Variants in ADAM32 observed in about 807,000 individuals in gnomAD.
ADAM32 encodes the protein ADAM metallopeptidase domain 32.
Under a neutral mutation model 114.9 loss-of-function variants are expected in ADAM32, and 89 were observed. The ratio of observed to expected loss-of-function variants is 0.77; its 90% CI spans 0.65 to 0.92. The LOEUF (loss-of-function observed/expected upper bound fraction) is 0.92, where lower values mean the gene tolerates loss of function less well. Among genes scored for constraint, ADAM32 ranks in the 40% least tolerant of loss-of-function variants. The pLI, the probability that ADAM32 is intolerant of heterozygous loss-of-function variation, is 0.00. For synonymous variants in ADAM32, 285 were observed against 307.5 expected (o/e 0.93, Z 0.77); for missense variants, 870 against 932.8 (o/e 0.93, Z 0.88).
Position 39,164,794 on chromosome 8 carries a change from G to A in ADAM32, c.625G>A (p.Val209Ile), listed in dbSNP as rs1452004914. ...TTACTGGGGCTCTGATAGCATGATA[G>A]TAACAAATAAAGTCATCGAAATTGT... ...YDYWGSDSMI[V>I]TNKVIEIVGL... Residue 209 changes from valine to isoleucine, a missense_variant, in exon 8 of 25, where the codon GTA becomes ATA. By Grantham distance (29) the Val-to-Ile change is conservative. Coordinates refer to ENST00000379907, the MANE Select transcript of ADAM32 (RefSeq NM_145004.7). 3 of 1,607,066 alleles carry A rather than the reference G, an allele frequency of 1.9e-6. No homozygotes were observed. The highest frequency in any genetic ancestry group is 2.2e-5 in the East Asian group (1 of 44,534).
At chr8:39,279,977 T>G (rs1813327237) in intron 22 of ADAM32, among the ~76,000 whole-genome samples, 1 of 152,222 alleles carries the variant, frequency 6.6e-6, no homozygotes, top group South Asian at 2.1e-4. Flanking sequence ...TTGCGAGTAG[T>G]GGAACTGAGC....
At chr8:39,178,359 T>A (rs535416383) in intron 10 of ADAM32, among the ~76,000 whole-genome samples, 8 of 152,356 alleles carry the variant, frequency 5.3e-5, no homozygotes, top group Admixed American at 1.3e-4. Context: ...GTTTTTCACC[T>A]CCATCAGGTC....
intron 10 of ADAM32, among the ~76,000 whole-genome samples, chr8:39,185,241 G>A (rs1344669535): frequency 1.4e-5 from 2 of 140,402 alleles, no homozygotes; most frequent in Admixed American, 7.6e-5. Flanking sequence ...CTCCAACCTA[G>A]GCAACACGAG....
At chr8:39,284,628 C>T (rs889104678) in intron 24 of ADAM32, among the ~76,000 whole-genome samples, 165 bp from the exon 25 acceptor site, 7 of 152,046 alleles carry the variant, frequency 4.6e-5, no homozygotes, top group African/African-American at 1.7e-4. Context: ...AAATAAGTGG[C>T]TCATGGTTAA....
chr8:39,258,231 T>TA (rs1811787478), intron 19 of ADAM32, among the ~76,000 whole-genome samples: 1 of 151,914 alleles, frequency 6.6e-6, no homozygotes, highest in Non-Finnish European at 1.5e-5. Flanking sequence ...TCTCTATTTC[T>TA]ATTGTTTTTT....
chr8:39,185,664 C>T (rs374655150), intron 10 of ADAM32, among the ~76,000 whole-genome samples: 1 of 152,154 alleles, frequency 6.6e-6, no homozygotes, highest in Admixed American at 6.5e-5. Context: ...ACATTAAATA[C>T]AAAATCCCAG....
intron 19 of ADAM32, among the ~76,000 whole-genome samples, chr8:39,258,397 A>G (rs1811798002): frequency 1.5e-5 from 1 of 66,908 alleles, no homozygotes; most frequent in Admixed American, 1.3e-4. Flanking sequence ...CTTCTCCTTA[A>G]CATATATCAT....
At chr8:39,163,787 G>T (rs1449422902) in intron 7 of ADAM32, among the ~76,000 whole-genome samples, 1 of 152,192 alleles carries the variant, frequency 6.6e-6, no homozygotes, top group African/African-American at 2.4e-5. Context: ...TAAGTAGGAA[G>T]AGATTTTTGA....
rs1258171527 is a variant in ADAM32, at chr8:39,257,167, T to C, written c.2006-20T>C. ...TAGTTTAATTTTTTTGTTTTTTTTT[T>C]TTTGTATTTCTGTTTTTAGGTTCAA... On this transcript the variant is annotated intron_variant, in intron 18 of 24. Coordinates refer to ENST00000379907, the MANE Select transcript of ADAM32 (RefSeq NM_145004.7). The C allele has an allele frequency of 1.2e-5, 18 of 1,527,078 alleles. No homozygotes were observed. Among genetic ancestry groups the C allele is most frequent in the Admixed American group, 2.3e-5 (1 of 43,754 alleles). The allele number at this position is 1,527,078 out of a possible 1,614,324, so 94.6% of individuals were successfully genotyped here.
chr8:39,283,795 A>G (rs1198979952), intron 24 of ADAM32, among the ~76,000 whole-genome samples, 171 bp downstream of exon 24: 1 of 136,408 alleles, frequency 7.3e-6, no homozygotes. Context: ...TTTTTTTAAG[A>G]CAGAGTCTTG....
intron 1 of ADAM32, among the ~76,000 whole-genome samples, chr8:39,112,126 A>G (rs1244373257): frequency 1.3e-5 from 2 of 152,198 alleles, no homozygotes; most frequent in Non-Finnish European, 2.9e-5. Flanking sequence ...CAATTTTACT[A>G]TATTTTTAAA....
intron 12 of ADAM32, among the ~76,000 whole-genome samples, chr8:39,220,093 T>G (rs1199732667): frequency 6.6e-6 from 1 of 152,178 alleles, no homozygotes; most frequent in Non-Finnish European, 1.5e-5. Context: ...TTTTGTAGGT[T>G]TAGAAGTAGT....
chr8:39,218,922 C>T (rs1345407850), intron 12 of ADAM32, among the ~76,000 whole-genome samples: 2 of 152,142 alleles, frequency 1.3e-5, no homozygotes, highest in Admixed American at 6.5e-5. Flanking sequence ...CTACAGCATA[C>T]TACCTGGGTA....
intron 4 of ADAM32, among the ~76,000 whole-genome samples, chr8:39,148,057 G>A (rs968710227): frequency 9.2e-5 from 14 of 152,064 alleles, no homozygotes; most frequent in African/African-American, 3.4e-4. Flanking sequence ...AGGATTACAG[G>A]TGTGAGCCAC....
At chr8:39,221,785 A>G (rs1564627855) in intron 13 of ADAM32, 83 bp downstream of exon 13, 1 of 733,832 alleles carries the variant, frequency 1.4e-6, no homozygotes, top group Non-Finnish European at 2.1e-6. Context: ...TACAGCTGTA[A>G]TTACATCAAT....
intron 16 of ADAM32, among the ~76,000 whole-genome samples, chr8:39,242,056 T>C (rs985217309): frequency 6.6e-6 from 1 of 152,130 alleles, no homozygotes; most frequent in Non-Finnish European, 1.5e-5. Context: ...AGTTCAAAAT[T>C]CCACAAATCT....
intron 6 of ADAM32, among the ~76,000 whole-genome samples, chr8:39,157,111 C>G (rs1484391197): frequency 6.6e-6 from 1 of 152,166 alleles, no homozygotes; most frequent in Non-Finnish European, 1.5e-5. Flanking sequence ...TAAATGTCAT[C>G]CCACTGCCTC....
chr8:39,164,164 C>T (rs901407284), intron 7 of ADAM32, among the ~76,000 whole-genome samples: 2 of 152,196 alleles, frequency 1.3e-5, no homozygotes, highest in African/African-American at 4.8e-5. Context: ...GCTTCTGAGC[C>T]TTTGGTGTCC....
At chr8:39,126,329 G>T (rs1802113868) in intron 2 of ADAM32, among the ~76,000 whole-genome samples, 1 of 152,120 alleles carries the variant, frequency 6.6e-6, no homozygotes, top group Non-Finnish European at 1.5e-5. Flanking sequence ...TTTTCCAGTT[G>T]TTTGTGTCCT....
Sources: gnomAD v4.1 joint callset for allele counts (sites outside exome capture counted in the v4.1 genomes callset) on GRCh38, gnomAD v4.1.1 for gene constraint, MANE v1.5 for transcripts, NCBI Gene and HGNC (gene_info 2026-07-23, HGNC 2026-07-21) for gene names.